The following ATP7A variants were observed in gnomAD, a reference collection of about 807,000 sequenced individuals.
The protein encoded by ATP7A is copper-transporting ATPase 1.
A neutral mutation model predicts 83.5 loss-of-function variants in ATP7A; 7 were observed. The observed-to-expected ratio is 0.08, with a 90% CI of 0.05 to 0.16. The LOEUF (loss-of-function observed/expected upper bound fraction) is 0.16. Ranked by LOEUF, ATP7A falls within the 10% of genes least tolerant of loss-of-function variation. The probability of loss-of-function intolerance (pLI) is 1.00; values close to 1 mark genes in which losing one functional copy is unlikely to be tolerated. For missense variants in ATP7A, 940 were observed against 1,120.8 expected (o/e 0.84, Z 2.30); for synonymous variants, 354 against 395.2 (o/e 0.90, Z 1.24).
intron 14 of ATP7A, among the ~76,000 whole-genome samples, chrX:78,026,312 C>T (rs189995080): frequency 7.2e-5 from 8 of 111,574 alleles, no homozygotes; most frequent in African/African-American, 2.3e-4. Context: ...GAGTTTAAAT[C>T]AACAATAGTT....
At chrX:78,018,611 C>T (rs1557235426) in intron 12 of ATP7A, among the ~76,000 whole-genome samples, 1 of 112,341 alleles carries the variant, frequency 8.9e-6, no homozygotes, top group Non-Finnish European at 1.9e-5. Flanking sequence ...CTGTTCCAGC[C>T]TCTGCCCATT....
At position 77,988,453 on chromosome X, in the gene ATP7A, A is replaced by C. The variant is rs928516350; in HGVS notation, c.332A>C (p.Lys111Thr). The C allele has an allele frequency of 6.6e-6, 8 of 1,211,585 alleles. No homozygotes were observed. The highest frequency in any genetic ancestry group is 7.8e-6 in the Non-Finnish European group (7 of 895,431). Residue 111 changes from lysine to threonine, a missense_variant, in exon 3 of 23, where the codon AAG becomes ACG. By Grantham distance (78) the Lys-to-Thr change is moderately conservative. Coordinates refer to ENST00000341514, the MANE Select transcript of ATP7A (RefSeq NM_000052.7). ...ATCCAAAGCACATTGCTGAAGACCAAGGGTGTGACAGACATTAAAATTTAC... is the reference window on the plus strand; with the variant it reads ...ATCCAAAGCACATTGCTGAAGACCACGGGTGTGACAGACATTAAAATTTAC... The part of the protein sequence containing the change: ...DHIQSTLLKT[K>T]GVTDIKIYPQ...
intron 2 of ATP7A, among the ~76,000 whole-genome samples, chrX:77,983,470 A>T (rs782817000): frequency 1.2e-4 from 13 of 112,030 alleles, no homozygotes; most frequent in African/African-American, 3.9e-4. Flanking sequence ...TTGACATTTC[A>T]AGAGACACAG....
chrX:77,985,467 C>T (rs1332838834), intron 2 of ATP7A, among the ~76,000 whole-genome samples: 2 of 110,502 alleles, frequency 1.8e-5, no homozygotes, highest in East Asian at 2.8e-4. Context: ...GAATCCTTTA[C>T]GTTGGTACTT....
intron 12 of ATP7A, among the ~76,000 whole-genome samples, chrX:78,018,071 C>T (rs111361924): frequency 0.25 from 26,721 of 106,521 alleles, 2,673 homozygotes; most frequent in South Asian, 0.35. Flanking sequence ...CCACCGCGCC[C>T]GGCCACCACC....
At chrX:78,041,342 C>T (rs2078046923) in intron 19 of ATP7A, among the ~76,000 whole-genome samples, 1 of 109,594 alleles carries the variant, frequency 9.1e-6, no homozygotes, top group Admixed American at 9.8e-5. Context: ...GTGGCGCGAT[C>T]TCGGCTCATC....
At chrX:78,010,856 G>C (rs2077817742) in intron 7 of ATP7A, among the ~76,000 whole-genome samples, 1 of 110,884 alleles carries the variant, frequency 9.0e-6, no homozygotes, top group Non-Finnish European at 1.9e-5. Context: ...TGGGATTACA[G>C]GCATGAGCCA....
At chrX:77,918,067 T>C (rs782180104) in intron 1 of ATP7A, among the ~76,000 whole-genome samples, 4 of 96,373 alleles carry the variant, frequency 4.2e-5, no homozygotes, top group Non-Finnish European at 6.3e-5. Flanking sequence ...GTTCAGGCAC[T>C]TTTTTTTTTT....
intron 7 of ATP7A, among the ~76,000 whole-genome samples, chrX:78,010,828 C>T (rs2077817414): frequency 9.1e-6 from 1 of 110,091 alleles, no homozygotes; most frequent in African/African-American, 3.3e-5. Context: ...ATTTGCCCAC[C>T]TTGGCCTCCC....
chrX:77,932,050 C>T (rs2077285118), intron 1 of ATP7A, among the ~76,000 whole-genome samples: 1 of 111,197 alleles, frequency 9.0e-6, no homozygotes, highest in South Asian at 3.8e-4. Context: ...GGGGGCTGAC[C>T]CCCACCTCCC....
chrX:78,035,667 C>A (rs2078009044), intron 17 of ATP7A, among the ~76,000 whole-genome samples: 1 of 111,703 alleles, frequency 9.0e-6, no homozygotes, highest in Admixed American at 9.5e-5. Flanking sequence ...CATATGTACT[C>A]CATGTTCCAT....
At chrX:77,928,671 C>T (rs1333871118) in intron 1 of ATP7A, among the ~76,000 whole-genome samples, 1 of 112,151 alleles carries the variant, frequency 8.9e-6, no homozygotes, top group Non-Finnish European at 1.9e-5. Flanking sequence ...ATTGTCTAAA[C>T]TCCTAAGAAA....
At chrX:77,928,409 C>T (rs1461286441) in intron 1 of ATP7A, among the ~76,000 whole-genome samples, 1 of 110,526 alleles carries the variant, frequency 9.0e-6, no homozygotes, top group Non-Finnish European at 1.9e-5. Context: ...CACACATACA[C>T]ACACACACAC....
At chrX:77,911,519 T>C (rs182468056) in intron 1 of ATP7A, among the ~76,000 whole-genome samples, 1 of 110,733 alleles carries the variant, frequency 9.0e-6, no homozygotes, top group East Asian at 2.8e-4. Flanking sequence ...GTATTGAGAA[T>C]ATGTGCAGAA....
intron 1 of ATP7A, among the ~76,000 whole-genome samples, chrX:77,954,606 A>G (rs1182088533): frequency 8.9e-6 from 1 of 112,295 alleles, no homozygotes; most frequent in Non-Finnish European, 1.9e-5. Context: ...AAAGAAAAGG[A>G]TGAATTATAT....
At chrX:77,948,405 C>T (rs975331487) in intron 1 of ATP7A, among the ~76,000 whole-genome samples, 2 of 112,084 alleles carry the variant, frequency 1.8e-5, no homozygotes, top group African/African-American at 3.2e-5. Flanking sequence ...GGATTACAGG[C>T]GTGAGCCACC....
chrX:78,046,013 A>T, intron 22 of ATP7A, among the ~76,000 whole-genome samples: 1 of 112,318 alleles, frequency 8.9e-6, no homozygotes, highest in Non-Finnish European at 1.9e-5. Flanking sequence ...ATTAGCTAAC[A>T]GTAATAATTA....
intron 1 of ATP7A, 131 bp from the exon 2 acceptor site, chrX:77,971,490 C>A: frequency 4.5e-6 from 3 of 667,121 alleles, no homozygotes; most frequent in African/African-American, 4.3e-5. Flanking sequence ...ATTACTAGCA[C>A]ATTTTAATTT....
rs2078030921 is a variant in ATP7A at position 78,038,925 on chromosome X, G to T, written c.3601G>T (p.Asp1201Tyr). Residue 1201 changes from aspartate (D) to tyrosine (Y), a missense_variant, in exon 18 of 23, where the codon GAT (aspartate) becomes TAT (tyrosine). Transcript: ENST00000341514. The stretch of plus-strand genomic sequence containing the variant: ...TCTTGTCATTAATAACGATGTAAAT[G>T]ATTTCATGACTGAACATGAGAGAAA... Reference protein sequence around the residue: ...NGLVINNDVNDFMTEHERKGR... With the variant: ...NGLVINNDVNYFMTEHERKGR... The T allele has an allele frequency of 8.3e-7, 1 of 1,211,199 alleles. No individual in the cohort carries two copies. Among genetic ancestry groups the T allele is most frequent in the Non-Finnish European group, 1.1e-6 (1 of 894,944 alleles).
Sources: allele counts gnomAD v4.1 joint callset (sites outside exome capture counted in the v4.1 genomes callset), GRCh38; gene constraint gnomAD v4.1.1; transcripts MANE v1.5; gene names NCBI Gene and HGNC (gene_info 2026-07-23, HGNC 2026-07-21).